LIMCH1: variants seen among roughly 807,000 people sequenced by gnomAD.
LIMCH1 encodes LIM and calponin homology domains-containing protein 1.
A neutral mutation model predicts 176.5 loss-of-function variants in LIMCH1; 113 were observed. That is an observed-to-expected ratio of 0.64 (90% CI 0.55 to 0.75). LIMCH1 has a LOEUF of 0.75. LIMCH1 is among the 30% of genes least tolerant of loss of function. LIMCH1 has a pLI of 0.00. For missense variants in LIMCH1, 1,674 were observed against 1,814.9 expected, an observed-to-expected ratio of 0.92 and a Z score of 1.41; for synonymous variants, 619 against 645.9, an observed-to-expected ratio of 0.96 and a Z score of 0.63.
intron 25 of LIMCH1, among the ~76,000 whole-genome samples, chr4:41,682,060 AT>A (rs1456731639): frequency 6.6e-6 from 1 of 152,180 alleles, no homozygotes; most frequent in Non-Finnish European, 1.5e-5. Flanking sequence ...CCAGAAAACC[AT>A]TTGTCCTGAA....
At chr4:41,499,755 T>A (rs2072906359) in intron 2 of LIMCH1, among the ~76,000 whole-genome samples, 1 of 152,134 alleles carries the variant, frequency 6.6e-6, no homozygotes, top group Admixed American at 6.5e-5. Flanking sequence ...GAGGCGGAGA[T>A]TGCAGTGAGC....
At chr4:41,564,643 C>T (rs556156001) in intron 1 of LIMCH1, among the ~76,000 whole-genome samples, 6 of 152,290 alleles carry the variant, frequency 3.9e-5, no homozygotes, top group Non-Finnish European at 8.8e-5. Context: ...TGACTGATGT[C>T]AGTTCTCACT....
chr4:41,648,722 G>T (rs546989691), intron 17 of LIMCH1, among the ~76,000 whole-genome samples: 1 of 146,924 alleles, frequency 6.8e-6, no homozygotes, highest in African/African-American at 2.6e-5. Context: ...GCAGGGCAGG[G>T]AATACAGGCC....
rs1283406591 is a variant in LIMCH1 at position 41,698,279 on chromosome 4, C to T, written c.*1094C>T. ...CTGTGATCAGCAAGAACCTACAGCA[C>T]AGATTATGCCCTGCCCACTTCAATG... On this transcript the variant is annotated 3_prime_UTR_variant, in exon 32 of 32. Transcript: ENST00000503057. The T allele has an allele frequency of 6.6e-6, 1 of 152,234 alleles. No homozygotes were observed. Among genetic ancestry groups the T allele is most frequent in the Non-Finnish European group, 1.5e-5 (1 of 68,078 alleles). 9.4% of individuals were successfully genotyped at this position (152,234 alleles called of 1,614,324 possible). A position where few individuals can be genotyped will look rare whatever the true frequency, so the allele number is the denominator to read the frequency against.
At chr4:41,659,585 A>G (rs1186237446) in intron 18 of LIMCH1, among the ~76,000 whole-genome samples, 3 of 152,164 alleles carry the variant, frequency 2.0e-5, no homozygotes, top group Non-Finnish European at 4.4e-5. Flanking sequence ...TACTTATGAG[A>G]GACGAATAAA....
chr4:41,390,026 CA>C (rs2057021242), intron 1 of LIMCH1, among the ~76,000 whole-genome samples: 1 of 152,114 alleles, frequency 6.6e-6, no homozygotes, highest in Admixed American at 6.5e-5. Flanking sequence ...TGACTCACTG[CA>C]GAAGCATCAG....
intron 1 of LIMCH1, among the ~76,000 whole-genome samples, chr4:41,572,795 G>C (rs1413845895): frequency 6.6e-6 from 1 of 152,172 alleles, no homozygotes; most frequent in Non-Finnish European, 1.5e-5. Context: ...GGTGGGTTAA[G>C]AACTTTCTAG....
At chr4:41,446,388 A>C (rs2063293636) in intron 1 of LIMCH1, among the ~76,000 whole-genome samples, 2 of 152,230 alleles carry the variant, frequency 1.3e-5, no homozygotes, top group African/African-American at 4.8e-5. Context: ...TAGATTTCTA[A>C]CCATTAGGGA....
chr4:41,462,837 T>A (rs1238742414), intron 1 of LIMCH1, among the ~76,000 whole-genome samples: 1 of 152,176 alleles, frequency 6.6e-6, no homozygotes, highest in African/African-American at 2.4e-5. Context: ...AAGGCAGGCA[T>A]TTTACCTCAC....
At chr4:41,514,275 T>G (rs917371232) in intron 2 of LIMCH1, among the ~76,000 whole-genome samples, 3 of 151,960 alleles carry the variant, frequency 2.0e-5, no homozygotes, top group Admixed American at 6.6e-5. Flanking sequence ...ATAGTTTCTG[T>G]GATGTGTGAT....
chr4:41,535,420 T>G (rs751602070), upstream of LIMCH1, among the ~76,000 whole-genome samples: 8 of 151,960 alleles, frequency 5.3e-5, no homozygotes, highest in Non-Finnish European at 1.2e-4. Flanking sequence ...GTGATCAGAG[T>G]GGGTTTGTTC....
At chr4:41,621,612 C>T (rs1250746380) in intron 7 of LIMCH1, among the ~76,000 whole-genome samples, 1 of 151,854 alleles carries the variant, frequency 6.6e-6, no homozygotes, top group African/African-American at 2.4e-5. Context: ...AGCAATTCTC[C>T]TGCCTCAGCC....
At chr4:41,524,506 TCCAA>T in intron 3 of LIMCH1, 1 of 1,540,526 alleles carries the variant, frequency 6.5e-7, no homozygotes, top group East Asian at 2.2e-5. Context: ...AGATTTATTT[TCCAA>T]TATTCCTTTG....
At chr4:41,612,021 G>A (rs921290018) in intron 4 of LIMCH1, among the ~76,000 whole-genome samples, 4 of 152,000 alleles carry the variant, frequency 2.6e-5, no homozygotes, top group Non-Finnish European at 5.9e-5. Flanking sequence ...GGGTTATGCC[G>A]GCTCTACTCA....
At chr4:41,444,311 T>C (rs558808785) in intron 1 of LIMCH1, among the ~76,000 whole-genome samples, 3 of 71,186 alleles carry the variant, frequency 4.2e-5, no homozygotes, top group Non-Finnish European at 6.9e-5. Flanking sequence ...TGTGTATATA[T>C]ATACACACAC....
chr4:41,507,367 G>A (rs1319713520), intron 2 of LIMCH1, among the ~76,000 whole-genome samples: 1 of 152,100 alleles, frequency 6.6e-6, no homozygotes, highest in Non-Finnish European at 1.5e-5. Flanking sequence ...GGGGCTAGAA[G>A]TTCCAAGCTT....
At chr4:41,385,132 C>G (rs1416869796) in intron 1 of LIMCH1, among the ~76,000 whole-genome samples, 1 of 152,158 alleles carries the variant, frequency 6.6e-6, no homozygotes, top group Non-Finnish European at 1.5e-5. Context: ...ATATTGTGAC[C>G]TGGCGCTGTG....
At chr4:41,675,038 T>C (rs1394588115) in intron 22 of LIMCH1, among the ~76,000 whole-genome samples, 1 of 152,214 alleles carries the variant, frequency 6.6e-6, no homozygotes, top group Non-Finnish European at 1.5e-5. Flanking sequence ...CCCTAGATTA[T>C]TGGCCCACTT....
chr4:41,440,594 G>A (rs911881823), intron 1 of LIMCH1, among the ~76,000 whole-genome samples: 6 of 152,206 alleles, frequency 3.9e-5, no homozygotes, highest in South Asian at 2.1e-4. Context: ...GTGCAGTGGC[G>A]CAATCTTGGC....
Sources: gnomAD v4.1 joint callset for allele counts (sites outside exome capture counted in the v4.1 genomes callset) on GRCh38, gnomAD v4.1.1 for gene constraint, MANE v1.5 for transcripts, NCBI Gene and HGNC (gene_info 2026-07-23, HGNC 2026-07-21) for gene names.